The following TM7SF3 variants were observed in gnomAD, a reference collection of about 807,000 sequenced individuals.
TM7SF3 encodes seven span transmembrane protein.
TM7SF3 carries 60 observed loss-of-function variants against 65.5 expected under a neutral mutation model. That is an observed-to-expected ratio of 0.92 (90% CI 0.74 to 1.14). The LOEUF (loss-of-function observed/expected upper bound fraction) is 1.14. TM7SF3 is among the 50% of genes most tolerant of loss of function. TM7SF3 has a pLI of 0.00. For synonymous variants in TM7SF3, 264 were observed against 259.6 expected, an observed-to-expected ratio of 1.02 and a Z score of -0.16; for missense variants, 623 against 684.8, an observed-to-expected ratio of 0.91 and a Z score of 1.01.
intron 9 of TM7SF3, among the ~76,000 whole-genome samples, chr12:26,977,429 TA>T (rs773125488): frequency 3.9e-5 from 6 of 152,234 alleles, no homozygotes; most frequent in Non-Finnish European, 5.9e-5. Flanking sequence ...GTCAGCCAAA[TA>T]TTTTTTAAAT....
In TM7SF3 at chr12:26,973,868, A is replaced by C. The variant is rs1478476734; in HGVS notation, c.*97T>G. 6.9e-7 allele frequency: 1 copy of C among 1,441,728 alleles called. No homozygotes were observed. The highest frequency in any genetic ancestry group is 9.4e-7 in the Non-Finnish European group (1 of 1,069,000). The allele number at this position is 1,441,728 out of a possible 1,614,324, so 89.3% of individuals were successfully genotyped here. A position where few individuals can be genotyped will look rare whatever the true frequency, so the allele number is the denominator to read the frequency against. ...ATAATATTATGCAAAGAACAGATAT[A>C]TATGCCTGATCTCTTATTAGACTTG... On this transcript the variant is annotated 3_prime_UTR_variant, in exon 12 of 12. Coordinates refer to ENST00000343028, the MANE Select transcript of TM7SF3 (RefSeq NM_016551.3).
chr12:26,980,301 A>T, intron 8 of TM7SF3: 1 of 531,500 alleles, frequency 1.9e-6, no homozygotes, highest in Non-Finnish European at 3.3e-6. Flanking sequence ...CATATCTTCA[A>T]CATATCACAT....
At chr12:27,006,547 G>A (rs1051797948) in intron 1 of TM7SF3, among the ~76,000 whole-genome samples, 2 of 152,132 alleles carry the variant, frequency 1.3e-5, no homozygotes, top group African/African-American at 4.8e-5. Flanking sequence ...CCTTAAAATG[G>A]TAATATTTTT....
intron 4 of TM7SF3, among the ~76,000 whole-genome samples, chr12:26,995,952 A>G (rs1004485467): frequency 2.0e-5 from 3 of 152,196 alleles, no homozygotes; most frequent in African/African-American, 7.2e-5. Context: ...AGGTGATTAC[A>G]TAACTGGATT....
intron 3 of TM7SF3, among the ~76,000 whole-genome samples, chr12:26,998,928 T>C (rs142253855): frequency 2.0e-5 from 3 of 152,316 alleles, no homozygotes; most frequent in African/African-American, 7.2e-5. Flanking sequence ...TTTTTCTTCA[T>C]GACGTCGAGC....
intron 1 of TM7SF3, among the ~76,000 whole-genome samples, chr12:27,010,745 A>G (rs1941215301): frequency 1.3e-5 from 2 of 152,212 alleles, no homozygotes; most frequent in African/African-American, 4.8e-5. Context: ...CTCTAAAAAG[A>G]AATGGCTTTT....
intron 9 of TM7SF3, chr12:26,978,333 T>C (rs188091745): frequency 6.3e-6 from 1 of 158,504 alleles, no homozygotes; most frequent in Non-Finnish European, 1.4e-5. Context: ...ACATCTATCC[T>C]ATGAGATAGT....
intron 5 of TM7SF3, among the ~76,000 whole-genome samples, chr12:26,992,057 C>CT (rs767561760): frequency 6.6e-6 from 1 of 152,116 alleles, no homozygotes; most frequent in Non-Finnish European, 1.5e-5. Context: ...CTACCACACT[C>CT]TGAGTAACAA....
chr12:26,983,459 A>AT, intron 6 of TM7SF3: 1 of 400,258 alleles, frequency 2.5e-6, no homozygotes, highest in Non-Finnish European at 5.1e-6. Flanking sequence ...CGGTGGTTCT[A>AT]TTTTTTAAGT....
intron 10 of TM7SF3, 152 bp downstream of exon 10, chr12:26,976,108 T>G: frequency 1.5e-6 from 1 of 653,368 alleles, no homozygotes; most frequent in Admixed American, 2.9e-5. Context: ...GAACTTCGTT[T>G]TCACAGTAAC....
At chr12:26,984,877 G>T (rs755934078) in intron 6 of TM7SF3, among the ~76,000 whole-genome samples, 2 of 152,212 alleles carry the variant, frequency 1.3e-5, no homozygotes, top group Non-Finnish European at 2.9e-5. Context: ...GAAGGTTAAA[G>T]TGTCTTTAAC....
chr12:26,976,374 AAACT>A lies in TM7SF3; in HGVS notation c.1190-21_1190-18del. 1 of 1,564,360 alleles carries A rather than the reference AAACT, an allele frequency of 6.4e-7. No individual in the cohort carries two copies. Among genetic ancestry groups the A allele is most frequent in the South Asian group, 1.1e-5 (1 of 89,852 alleles). On this transcript the variant is annotated intron_variant, in intron 9 of 11. Coordinates refer to ENST00000343028, the MANE Select transcript of TM7SF3 (RefSeq NM_016551.3). ...TTAGGTTTCCTGAAAAAGCAAAAAGAAACTAAGAGTAAACAACAGCTTTACCAAG... is the reference window on the plus strand; with the variant it reads ...TTAGGTTTCCTGAAAAAGCAAAAAGAAAGAGTAAACAACAGCTTTACCAAG...
chr12:26,987,887 TAAAG>T (rs1183021840), intron 6 of TM7SF3, among the ~76,000 whole-genome samples: 1 of 151,970 alleles, frequency 6.6e-6, no homozygotes, highest in Non-Finnish European at 1.5e-5. Flanking sequence ...GACAAATAAA[TAAAG>T]AGACAAGTGT....
At chr12:26,976,587 C>T (rs1939577712) in intron 9 of TM7SF3, among the ~76,000 whole-genome samples, 1 of 152,202 alleles carries the variant, frequency 6.6e-6, no homozygotes, top group South Asian at 2.1e-4. Context: ...CAACGCTCTG[C>T]ACTTATTAAC....
intron 3 of TM7SF3, among the ~76,000 whole-genome samples, chr12:26,998,771 G>A (rs1187042110): frequency 1.3e-5 from 2 of 152,116 alleles, no homozygotes; most frequent in Non-Finnish European, 2.9e-5. Context: ...CTTTCTAAGA[G>A]ATGAAATGGA....
rs1445313416 is a variant in TM7SF3 at position 26,995,366 on chromosome 12, G to C, written c.561C>G (p.Asp187Glu). ...CATCATACTGCAACCTCCACCTGGA[G>C]TCCTGGTCTGTCCCAGCGTCACATG... ...PPPCDAGTDQ[D>E]SRWRLQYDVY... is the part of the protein sequence containing the mutation. The change falls in exon 5 of 12, where the codon GAC becomes GAG. Residue 187 changes from aspartate (D) to glutamate (E), a missense_variant. By Grantham distance (45) the Asp-to-Glu change is conservative. Coordinates refer to ENST00000343028, the MANE Select transcript of TM7SF3 (RefSeq NM_016551.3). The C allele has an allele frequency of 1.2e-6, 2 of 1,614,186 alleles. No individual in the cohort carries two copies. Among genetic ancestry groups the C allele is most frequent in the Non-Finnish European group, 8.5e-7 (1 of 1,180,028 alleles).
At chr12:27,010,995 A>T (rs1941224368) in intron 1 of TM7SF3, among the ~76,000 whole-genome samples, 1 of 152,206 alleles carries the variant, frequency 6.6e-6, no homozygotes, top group South Asian at 2.1e-4. Flanking sequence ...ACAACAACCA[A>T]ATTCTAAGAG....
chr12:26,992,638 C>T (rs942307638), intron 5 of TM7SF3, among the ~76,000 whole-genome samples: 2 of 152,192 alleles, frequency 1.3e-5, no homozygotes, highest in African/African-American at 4.8e-5. Context: ...TTATTGAATA[C>T]AGTACACTGT....
intron 6 of TM7SF3, among the ~76,000 whole-genome samples, chr12:26,985,621 C>CA (rs544145636): frequency 1.6e-4 from 10 of 61,060 alleles, no homozygotes; most frequent in Admixed American, 2.8e-4. Flanking sequence ...GTGAGACTGT[C>CA]AAAAAAAAAA....
Sources: allele counts gnomAD v4.1 joint callset (sites outside exome capture counted in the v4.1 genomes callset), GRCh38; gene constraint gnomAD v4.1.1; transcripts MANE v1.5; gene names NCBI Gene and HGNC (gene_info 2026-07-23, HGNC 2026-07-21).